FRMD4A: variants seen among roughly 807,000 people sequenced by gnomAD.
FRMD4A encodes FERM domain containing 4A, also known as FERM domain-containing protein 4A.
A neutral mutation model predicts 129.1 loss-of-function variants in FRMD4A; 29 were observed. The observed-to-expected ratio is 0.22, with a 90% CI of 0.17 to 0.31. The LOEUF (loss-of-function observed/expected upper bound fraction) is 0.31. Among genes scored for constraint, FRMD4A ranks in the 10% least tolerant of loss-of-function variants. The probability of loss-of-function intolerance (pLI) is 1.00; values close to 1 mark genes in which losing one functional copy is unlikely to be tolerated. For synonymous variants in FRMD4A, 634 were observed against 571.6 expected, an observed-to-expected ratio of 1.11 and a Z score of -1.56; for missense variants, 1,272 against 1,375.8, an observed-to-expected ratio of 0.92 and a Z score of 1.19.
At chr10:13,851,568 G>A (rs558213803) in intron 3 of FRMD4A, among the ~76,000 whole-genome samples, 2 of 151,936 alleles carry the variant, frequency 1.3e-5, no homozygotes, top group African/African-American at 2.4e-5. Context: ...CAAACCCTAC[G>A]GTGAACTATA....
intron 2 of FRMD4A, among the ~76,000 whole-genome samples, chr10:14,142,790 A>G (rs1483887558): frequency 6.6e-6 from 1 of 152,228 alleles, no homozygotes; most frequent in Non-Finnish European, 1.5e-5. Context: ...GGCTGCCTAC[A>G]TTTGTTCACA....
intron 2 of FRMD4A, among the ~76,000 whole-genome samples, chr10:14,287,750 C>G (rs12250129): frequency 0.03 from 4,588 of 152,220 alleles, 246 homozygotes; most frequent in African/African-American, 0.11. Flanking sequence ...CACCACTCAC[C>G]CTACTGAAAC....
chr10:13,790,588 C>T (rs1343009), intron 5 of FRMD4A, among the ~76,000 whole-genome samples: 14,690 of 152,084 alleles, frequency 0.097, 868 homozygotes, highest in Middle Eastern at 0.17. Flanking sequence ...GCCACAGAGC[C>T]GGGGGAACTG....
chr10:13,916,411 A>T (rs2095007231), intron 2 of FRMD4A, among the ~76,000 whole-genome samples: 1 of 152,110 alleles, frequency 6.6e-6, no homozygotes, highest in Non-Finnish European at 1.5e-5. Context: ...GATTTTGGGG[A>T]TCCCAGCCCA....
At chr10:13,894,950 T>A (rs551451189) in intron 2 of FRMD4A, among the ~76,000 whole-genome samples, 42 of 152,354 alleles carry the variant, frequency 2.8e-4, no homozygotes, top group Admixed American at 7.8e-4. Context: ...GTGCCTCAGT[T>A]GAGAACACTC....
chr10:13,971,528 G>T, intron 2 of FRMD4A: 1 of 480,738 alleles, frequency 2.1e-6, no homozygotes, highest in Non-Finnish European at 3.8e-6. Context: ...CATGTTAACT[G>T]CTCCCTGTTA....
chr10:13,773,010 C>T (rs1465259561), intron 6 of FRMD4A, among the ~76,000 whole-genome samples: 3 of 152,130 alleles, frequency 2.0e-5, no homozygotes, highest in African/African-American at 4.8e-5. Context: ...ACCCCATTTG[C>T]CCTGATGTGG....
intron 15 of FRMD4A, chr10:13,693,552 G>T: frequency 3.3e-6 from 4 of 1,197,298 alleles, no homozygotes; most frequent in Non-Finnish European, 4.2e-6. Flanking sequence ...GCACATGAGC[G>T]GATTCCACTT....
At chr10:13,787,886 A>T (rs2092908013) in intron 5 of FRMD4A, among the ~76,000 whole-genome samples, 1 of 152,130 alleles carries the variant, frequency 6.6e-6, no homozygotes, top group Admixed American at 6.5e-5. Context: ...AGAAAAAAAA[A>T]AAAAGTGGCT....
rs143204882 is a variant in FRMD4A, at chr10:13,911,827, G to T, written c.46-52915C>A. On this transcript the variant is annotated intron_variant, in intron 2 of 24. Coordinates refer to ENST00000357447, the MANE Select transcript of FRMD4A (RefSeq NM_018027.5). The stretch of plus-strand genomic sequence containing the variant: ...TCCACCTGCCTCGGCCTCCCAAACC[G>T]CTAGGATTAGAGGTATGAGCCACTG... 7.2e-4 allele frequency among the ~76,000 whole-genome samples: 109 copies of T among 152,176 alleles called. 1 individual carries two copies. The highest frequency in any genetic ancestry group is 2.6e-3 in the African/African-American group (106 of 41,504).
intron 5 of FRMD4A, among the ~76,000 whole-genome samples, chr10:13,785,612 TTTTTA>T (rs1368336351): frequency 1.3e-5 from 2 of 152,172 alleles, no homozygotes; most frequent in African/African-American, 2.4e-5. Flanking sequence ...TTATAATTTC[TTTTTA>T]TTTTGTTATT....
chr10:14,148,579 T>C (rs1286731264), intron 2 of FRMD4A, among the ~76,000 whole-genome samples: 1 of 152,088 alleles, frequency 6.6e-6, no homozygotes, highest in Non-Finnish European at 1.5e-5. Context: ...CTGGCCAACA[T>C]GGTGAAACCC....
intron 2 of FRMD4A, among the ~76,000 whole-genome samples, chr10:14,152,956 G>C (rs1169818410): frequency 1.3e-5 from 2 of 152,186 alleles, no homozygotes; most frequent in Non-Finnish European, 2.9e-5. Flanking sequence ...CCCCAGGAAG[G>C]AGGCAAGATC....
intron 2 of FRMD4A, among the ~76,000 whole-genome samples, chr10:13,996,180 C>G (rs1315700860): frequency 2.0e-5 from 3 of 152,196 alleles, no homozygotes; most frequent in African/African-American, 7.2e-5. Context: ...TCCCAAAGGC[C>G]CCATCTCTTA....
chr10:13,748,733 C>T (rs551211331), intron 8 of FRMD4A, among the ~76,000 whole-genome samples: 234 of 151,930 alleles, frequency 1.5e-3, no homozygotes, highest in African/African-American at 4.9e-3. Flanking sequence ...GCCAACATGA[C>T]GCTCAAAGGA....
At chr10:14,062,495 G>A (rs1834862041) in intron 2 of FRMD4A, among the ~76,000 whole-genome samples, 1 of 151,830 alleles carries the variant, frequency 6.6e-6, no homozygotes, top group South Asian at 2.1e-4. Context: ...CTTCAAGCAT[G>A]TTTATACTAA....
chr10:14,019,363 A>T (rs1656320358), intron 2 of FRMD4A, among the ~76,000 whole-genome samples: 2 of 152,274 alleles, frequency 1.3e-5, no homozygotes, highest in African/African-American at 4.8e-5. Context: ...GGCAATTATC[A>T]ACTCCAGGAA....
At chr10:14,262,088 A>C (rs909805583) in intron 2 of FRMD4A, among the ~76,000 whole-genome samples, 1 of 151,980 alleles carries the variant, frequency 6.6e-6, no homozygotes, top group African/African-American at 2.4e-5. Context: ...CAATTCCAAA[A>C]TTTGAAGAGC....
At chr10:14,108,704 A>C (rs1212430520) in intron 2 of FRMD4A, among the ~76,000 whole-genome samples, 1 of 152,214 alleles carries the variant, frequency 6.6e-6, no homozygotes, top group Non-Finnish European at 1.5e-5. Flanking sequence ...GCATAGGAAA[A>C]ATAAGACAGA....
Sources: gnomAD v4.1 joint callset for allele counts (sites outside exome capture counted in the v4.1 genomes callset) on GRCh38, gnomAD v4.1.1 for gene constraint, MANE v1.5 for transcripts, NCBI Gene and HGNC (gene_info 2026-07-23, HGNC 2026-07-21) for gene names.